NSMCE2: variants seen among roughly 807,000 people sequenced by gnomAD.
NSMCE2 encodes the protein E3 SUMO-protein ligase NSE2.
Under a neutral mutation model 23.8 loss-of-function variants are expected in NSMCE2, and 24 were observed. The ratio of observed to expected loss-of-function variants is 1.01; its 90% CI spans 0.73 to 1.42. The LOEUF (loss-of-function observed/expected upper bound fraction) is 1.42, where lower values mean the gene tolerates loss of function less well. Ranked by LOEUF, NSMCE2 falls within the 40% of genes most tolerant of loss-of-function variation. The pLI, the probability that NSMCE2 is intolerant of heterozygous loss-of-function variation, is 0.00. For missense variants in NSMCE2, 284 were observed against 296.5 expected, an observed-to-expected ratio of 0.96 and a Z score of 0.31; for synonymous variants, 92 against 94.1, an observed-to-expected ratio of 0.98 and a Z score of 0.13.
At chr8:125,220,004 A>G (rs781114130) in intron 5 of NSMCE2, among the ~76,000 whole-genome samples, 69 of 152,162 alleles carry the variant, frequency 4.5e-4, no homozygotes, top group Non-Finnish European at 6.0e-4. Flanking sequence ...CCCTCTTGCT[A>G]TTAAAGATTA....
At chr8:125,092,303 A>G (rs1175609150) in intron 1 of NSMCE2, among the ~76,000 whole-genome samples, 1 of 152,236 alleles carries the variant, frequency 6.6e-6, no homozygotes, top group Non-Finnish European at 1.5e-5. Flanking sequence ...ATTAGCGATA[A>G]GGAGAATAAA....
chr8:125,124,715 C>T (rs7820192), intron 3 of NSMCE2, among the ~76,000 whole-genome samples: 5,533 of 152,142 alleles, frequency 0.036, 338 homozygotes, highest in African/African-American at 0.13. Flanking sequence ...TGGGGTCAAG[C>T]GATCCTCCTG....
At chr8:125,256,561 C>T (rs1826425898) in intron 5 of NSMCE2, among the ~76,000 whole-genome samples, 3 of 152,080 alleles carry the variant, frequency 2.0e-5, no homozygotes, top group African/African-American at 7.2e-5. Context: ...GATTTGGCAG[C>T]CATTGTCACA....
chr8:125,282,625 G>A (rs1355833649), intron 5 of NSMCE2, among the ~76,000 whole-genome samples: 1 of 152,198 alleles, frequency 6.6e-6, no homozygotes, highest in Non-Finnish European at 1.5e-5. Flanking sequence ...GAGAAAGGCT[G>A]TACTTCAGAC....
chr8:125,265,547 T>G (rs1345928509), intron 5 of NSMCE2, among the ~76,000 whole-genome samples: 2 of 152,192 alleles, frequency 1.3e-5, no homozygotes, highest in Admixed American at 6.6e-5. Flanking sequence ...GTTTTTAAAT[T>G]ATTGCGTTAA....
chr8:125,331,405 T>C (rs1002250501), intron 5 of NSMCE2, among the ~76,000 whole-genome samples: 2 of 152,230 alleles, frequency 1.3e-5, no homozygotes, highest in Admixed American at 1.3e-4. Context: ...AAAATTGTTA[T>C]CAGTACTCAG....
intron 5 of NSMCE2, among the ~76,000 whole-genome samples, chr8:125,230,173 G>A (rs149182550): frequency 2.0e-5 from 3 of 152,286 alleles, no homozygotes; most frequent in South Asian, 2.1e-4. Context: ...AAGCCTAAAC[G>A]TGTCTTCCAG....
At position 125,338,318 on chromosome 8, in the gene NSMCE2, T is replaced by C. The variant is rs200455082; in HGVS notation, c.419-18901T>C. 2.1e-4 allele frequency among the ~76,000 whole-genome samples: 32 copies of C among 151,264 alleles called. No individual in the cohort carries two copies. In the East Asian group the frequency reaches 3.5e-3, roughly 16 times the overall value. On this transcript the variant is annotated intron_variant, in intron 5 of 7. Coordinates refer to ENST00000287437, the MANE Select transcript of NSMCE2 (RefSeq NM_173685.4). The stretch of plus-strand genomic sequence containing the variant: ...AAAAAAGCTGCCTTTTATATAGAAG[T>C]TCTTGGGAATATTTCTCATATAGTG...
chr8:125,301,767 A>G (rs980874728), intron 5 of NSMCE2, among the ~76,000 whole-genome samples: 16 of 151,004 alleles, frequency 1.1e-4, no homozygotes, highest in African/African-American at 3.7e-4. Flanking sequence ...GGTTCAAGCA[A>G]TTCTCCTGCC....
At chr8:125,308,983 G>A (rs559318851) in intron 5 of NSMCE2, among the ~76,000 whole-genome samples, 3 of 152,282 alleles carry the variant, frequency 2.0e-5, no homozygotes, top group African/African-American at 7.2e-5. Context: ...GGTGGCTTAC[G>A]CCTGTAATCC....
chr8:125,115,608 AG>A (rs1237736999), intron 3 of NSMCE2, among the ~76,000 whole-genome samples: 1 of 152,170 alleles, frequency 6.6e-6, no homozygotes, highest in Non-Finnish European at 1.5e-5. Flanking sequence ...AAAATTAGCC[AG>A]GCATGGTGGC....
chr8:125,209,656 C>T (rs1450785628), intron 5 of NSMCE2, among the ~76,000 whole-genome samples: 3 of 152,028 alleles, frequency 2.0e-5, no homozygotes, highest in Non-Finnish European at 2.9e-5. Context: ...TTTAAAACAC[C>T]TTTATGAATG....
At chr8:125,250,394 A>G (rs1826156543) in intron 5 of NSMCE2, among the ~76,000 whole-genome samples, 1 of 152,204 alleles carries the variant, frequency 6.6e-6, no homozygotes, top group South Asian at 2.1e-4. Context: ...TAATTAATCC[A>G]AAAAAGATGT....
At chr8:125,303,945 A>G (rs1034496360) in intron 5 of NSMCE2, among the ~76,000 whole-genome samples, 11 of 152,240 alleles carry the variant, frequency 7.2e-5, no homozygotes, top group Admixed American at 5.2e-4. Context: ...TGTTCTTTCT[A>G]GTGCTAAAAG....
At chr8:125,349,125 C>G (rs932916784) in intron 5 of NSMCE2, among the ~76,000 whole-genome samples, 2 of 151,248 alleles carry the variant, frequency 1.3e-5, no homozygotes, top group African/African-American at 2.4e-5. Context: ...CCACTTAAAG[C>G]CTAAGAAGTA....
At chr8:125,182,584 T>A (rs1210296057) in intron 5 of NSMCE2, 2 of 408,576 alleles carry the variant, frequency 4.9e-6, no homozygotes, top group African/African-American at 4.2e-5. Flanking sequence ...AATGGTATCG[T>A]TCAAGTTTTA....
chr8:125,279,102 T>C (rs1827594767), intron 5 of NSMCE2, among the ~76,000 whole-genome samples: 2 of 152,226 alleles, frequency 1.3e-5, no homozygotes, highest in Admixed American at 1.3e-4. Context: ...GAGTTGCCAG[T>C]TAAATACATA....
chr8:125,109,022 G>T (rs1237571397), intron 3 of NSMCE2, among the ~76,000 whole-genome samples: 1 of 152,208 alleles, frequency 6.6e-6, no homozygotes, highest in Non-Finnish European at 1.5e-5. Flanking sequence ...AAAGACTTCA[G>T]GTGGCCAAAG....
rs927589611 is a variant in NSMCE2, at chr8:125,289,190, TTACTTCC to T, written c.419-68026_419-68020del. Among the ~76,000 whole-genome samples, 307 of 152,266 alleles carry T rather than the reference TTACTTCC, an allele frequency of 2.0e-3. 2 individuals carry two copies. The highest frequency in any genetic ancestry group is 7.2e-3 in the African/African-American group (300 of 41,566). ...AAATATTTGTTGAACTGGATCATAC[TTACTTCC>T]TAGAGTAATCAGAACACATGAAAAG... is the stretch of plus-strand genomic sequence containing the variant. On this transcript the variant is annotated intron_variant, in intron 5 of 7. Coordinates refer to ENST00000287437, the MANE Select transcript of NSMCE2 (RefSeq NM_173685.4).
Sources: gnomAD v4.1 joint callset for allele counts (sites outside exome capture counted in the v4.1 genomes callset) on GRCh38, gnomAD v4.1.1 for gene constraint, MANE v1.5 for transcripts, NCBI Gene and HGNC (gene_info 2026-07-23, HGNC 2026-07-21) for gene names.